Variants in TENM3 observed in about 807,000 individuals in gnomAD.
TENM3 encodes teneurin-3.
Under a neutral mutation model 255.1 loss-of-function variants are expected in TENM3, and 63 were observed. That is an observed-to-expected ratio of 0.25 (90% CI 0.20 to 0.30). The LOEUF (loss-of-function observed/expected upper bound fraction) is 0.30, where lower values mean the gene tolerates loss of function less well. Among genes scored for constraint, TENM3 ranks in the 10% least tolerant of loss-of-function variants. The pLI, the probability that TENM3 is intolerant of heterozygous loss-of-function variation, is 1.00. For missense variants in TENM3, 2,929 were observed against 3,461.1 expected (o/e 0.85, Z 3.86); for synonymous variants, 1,306 against 1,322.3 (o/e 0.99, Z 0.27).
At chr4:182,675,090 G>A (rs1579078884) in intron 7 of TENM3, among the ~76,000 whole-genome samples, 1 of 150,678 alleles carries the variant, frequency 6.6e-6, no homozygotes. Flanking sequence ...TGGTCAGGCT[G>A]GTCCCGAACT....
intron 4 of TENM3, among the ~76,000 whole-genome samples, chr4:182,628,321 G>T (rs1187657750): frequency 6.6e-6 from 1 of 152,044 alleles, no homozygotes; most frequent in Non-Finnish European, 1.5e-5. Flanking sequence ...ATTCCAAAAT[G>T]GTTTTGTTCA....
the TENM3 span, among the ~76,000 whole-genome samples, chr4:181,853,523 C>T: frequency 2.0e-5 from 3 of 152,186 alleles, no homozygotes; most frequent in African/African-American, 4.8e-5. Context: ...ATATCACTCT[C>T]GTTGACTTTC....
chr4:181,506,245 A>G, the TENM3 span, among the ~76,000 whole-genome samples: 1 of 152,066 alleles, frequency 6.6e-6, no homozygotes, highest in Non-Finnish European at 1.5e-5. Context: ...AAGTTTAGGG[A>G]CTTCTTGGGA....
chr4:182,120,918 CT>C, the TENM3 span, among the ~76,000 whole-genome samples: 19 of 152,260 alleles, frequency 1.2e-4, no homozygotes, highest in African/African-American at 4.6e-4. Context: ...AGGACCATGG[CT>C]TTCTCTCTGA....
chr4:182,636,328 G>T (rs1301730398), intron 5 of TENM3, among the ~76,000 whole-genome samples: 1 of 152,032 alleles, frequency 6.6e-6, no homozygotes, highest in African/African-American at 2.4e-5. Flanking sequence ...GGTGATTAAA[G>T]ACTCAGAATA....
chr4:181,960,999 C>A, the TENM3 span, among the ~76,000 whole-genome samples: 1 of 152,144 alleles, frequency 6.6e-6, no homozygotes, highest in East Asian at 1.9e-4. Flanking sequence ...CTTTGGATGT[C>A]TGATCTAGCC....
intron 1 of TENM3, among the ~76,000 whole-genome samples, chr4:182,167,121 T>C (rs1751772392): frequency 6.6e-6 from 1 of 152,236 alleles, no homozygotes; most frequent in Admixed American, 6.5e-5. Flanking sequence ...ACCACTAAGA[T>C]AAGATCTTGC....
chr4:182,530,621 C>T (rs139901467), intron 3 of TENM3, among the ~76,000 whole-genome samples: 3 of 152,140 alleles, frequency 2.0e-5, no homozygotes, highest in African/African-American at 7.2e-5. Flanking sequence ...CTGGTAGCAC[C>T]CTCCTAGTCA....
the TENM3 span, among the ~76,000 whole-genome samples, chr4:181,848,830 A>C: frequency 1.3e-5 from 2 of 152,198 alleles, no homozygotes; most frequent in African/African-American, 4.8e-5. Context: ...AATTTTTCGA[A>C]TGTCAAACAC....
the TENM3 span, among the ~76,000 whole-genome samples, chr4:182,014,024 ACG>A: frequency 4.1e-5 from 2 of 48,288 alleles, no homozygotes; most frequent in African/African-American, 8.0e-5. Flanking sequence ...ACGTGTATAT[ACG>A]TATATACACA....
the TENM3 span, among the ~76,000 whole-genome samples, chr4:181,989,315 G>T: frequency 1.7e-3 from 265 of 152,068 alleles, no homozygotes; most frequent in Non-Finnish European, 3.7e-4. Context: ...GGGTGGGGAT[G>T]GTGTTGTCAT....
chr4:181,969,701 G>A, the TENM3 span, among the ~76,000 whole-genome samples: 1 of 152,144 alleles, frequency 6.6e-6, no homozygotes, highest in Non-Finnish European at 1.5e-5. Context: ...GAGATCCATC[G>A]TGTTAACGTA....
the TENM3 span, among the ~76,000 whole-genome samples, chr4:181,717,532 C>A: frequency 2.0e-5 from 3 of 152,292 alleles, no homozygotes; most frequent in Admixed American, 2.0e-4. Context: ...ATAGTGCCTG[C>A]CTTTCCTGAG....
chr4:182,014,698 A>G, the TENM3 span, among the ~76,000 whole-genome samples: 3 of 152,098 alleles, frequency 2.0e-5, no homozygotes, highest in East Asian at 1.9e-4. Flanking sequence ...TTGCAGCAGT[A>G]TGGATGGGGC....
the TENM3 span, among the ~76,000 whole-genome samples, chr4:181,852,722 C>T: frequency 3.9e-5 from 6 of 152,192 alleles, no homozygotes; most frequent in African/African-American, 7.2e-5. Flanking sequence ...GCTTCGTATA[C>T]ACCAGGCAAG....
chr4:181,926,411 G>T, the TENM3 span, among the ~76,000 whole-genome samples: 4 of 152,148 alleles, frequency 2.6e-5, no homozygotes, highest in African/African-American at 9.7e-5. Flanking sequence ...ATGTGTGGTA[G>T]GGTGGGGATA....
At chr4:181,457,607 C>A in the TENM3 span, among the ~76,000 whole-genome samples, 7 of 151,752 alleles carry the variant, frequency 4.6e-5, no homozygotes, top group Non-Finnish European at 1.0e-4. Context: ...CTTACTGGAG[C>A]TCCTCATACT....
At chr4:181,874,626 T>C in the TENM3 span, 1 of 152,346 alleles carries the variant, frequency 6.6e-6, no homozygotes, top group East Asian at 1.9e-4. Context: ...TCACATGGAA[T>C]CTTGCCCTCC....
intron 3 of TENM3, among the ~76,000 whole-genome samples, chr4:182,425,525 T>A (rs1771139453): frequency 6.6e-6 from 1 of 152,224 alleles, no homozygotes; most frequent in Non-Finnish European, 1.5e-5. Flanking sequence ...CGTTGTAGTA[T>A]GTGCTGCCTT....
Sources: allele counts gnomAD v4.1 joint callset (sites outside exome capture counted in the v4.1 genomes callset), GRCh38; gene constraint gnomAD v4.1.1; transcripts MANE v1.5; gene names NCBI Gene and HGNC (gene_info 2026-07-23, HGNC 2026-07-21).